RYR3: variants seen among roughly 807,000 people sequenced by gnomAD.
RYR3 encodes the protein brain ryanodine receptor-calcium release channel.
In RYR3, 207 loss-of-function variants were observed where a neutral mutation model predicts 584.3. That is an observed-to-expected ratio of 0.35 (90% CI 0.32 to 0.40). The LOEUF (loss-of-function observed/expected upper bound fraction) is 0.40. RYR3 is among the 10% of genes least tolerant of loss of function. The pLI is 1.00. For missense variants in RYR3, 5,616 were observed against 6,089.2 expected (o/e 0.92, Z 2.59); for synonymous variants, 2,416 against 2,248.5 (o/e 1.07, Z -2.11).
intron 1 of RYR3, among the ~76,000 whole-genome samples, chr15:33,470,650 T>C (rs1182830682): frequency 6.6e-6 from 1 of 152,210 alleles, no homozygotes; most frequent in Non-Finnish European, 1.5e-5. Context: ...GGGATCATTC[T>C]AGGTTATGAC....
intron 20 of RYR3, among the ~76,000 whole-genome samples, chr15:33,625,286 C>A (rs1437144309): frequency 1.3e-5 from 2 of 152,164 alleles, no homozygotes; most frequent in East Asian, 3.9e-4. Context: ...CAGGCCCTTC[C>A]CCCGACATGT....
chr15:33,500,386 C>T (rs1444105211), intron 2 of RYR3, among the ~76,000 whole-genome samples: 4 of 152,158 alleles, frequency 2.6e-5, no homozygotes, highest in Non-Finnish European at 4.4e-5. Context: ...TTCCTACTAG[C>T]CAGGATTCAA....
intron 1 of RYR3, among the ~76,000 whole-genome samples, chr15:33,391,593 T>C (rs1325247189): frequency 6.8e-6 from 1 of 147,186 alleles, no homozygotes; most frequent in East Asian, 2.0e-4. Flanking sequence ...GCCACTGCAG[T>C]CCAGCCTGGG....
chr15:33,834,557 G>A (rs2077916904), intron 86 of RYR3, among the ~76,000 whole-genome samples: 1 of 151,972 alleles, frequency 6.6e-6, no homozygotes, highest in Non-Finnish European at 1.5e-5. Flanking sequence ...AGGTAGATGA[G>A]GGCCTGGTTT....
At position 33,503,719 on chromosome 15, in the gene RYR3, G is replaced by T; in HGVS notation, c.260G>T (p.Gly87Val). The T allele has an allele frequency of 6.2e-7, 1 of 1,611,854 alleles. No individual in the cohort carries two copies. The highest frequency in any genetic ancestry group is 8.5e-7 in the Non-Finnish European group (1 of 1,178,920). ...CTGCAGGAAATGCTTGCCAACACAG[G>T]TGAAAATGGCGGCGAAGGGGTGAGT... is the stretch of plus-strand genomic sequence containing the variant. The part of the protein sequence containing the change: ...RALQEMLANT[G>V]ENGGEGAAQG... Residue 87 changes from glycine (G) to valine (V), a missense_variant, in exon 3 of 104, where the codon GGT becomes GTT. Gly to Val is a moderately radical substitution (Grantham distance 109). Coordinates refer to ENST00000634891, the MANE Select transcript of RYR3 (RefSeq NM_001036.6).
chr15:33,549,125 A>G (rs1045614405), intron 9 of RYR3, among the ~76,000 whole-genome samples: 1 of 152,038 alleles, frequency 6.6e-6, no homozygotes, highest in African/African-American at 2.4e-5. Context: ...GGTTTTAAGG[A>G]GCGTGCACTT....
chr15:33,442,355 A>G (rs532517810), intron 1 of RYR3, among the ~76,000 whole-genome samples: 1 of 152,358 alleles, frequency 6.6e-6, no homozygotes, highest in Middle Eastern at 3.4e-3. Flanking sequence ...TCTGGGAACT[A>G]CAATTTACCT....
At chr15:33,613,593 A>T (rs112161242) in intron 19 of RYR3, among the ~76,000 whole-genome samples, 8 of 152,262 alleles carry the variant, frequency 5.3e-5, no homozygotes, top group African/African-American at 1.9e-4. Context: ...TCAGATAAAC[A>T]GTAAGATTAA....
chr15:33,583,536 T>C (rs1286700951), intron 14 of RYR3, among the ~76,000 whole-genome samples: 1 of 152,244 alleles, frequency 6.6e-6, no homozygotes, highest in African/African-American at 2.4e-5. Context: ...CTCATTGCTC[T>C]AGTCTGAACA....
Position 33,848,382 on chromosome 15 carries a change from A to G in RYR3, c.13589A>G (p.Asp4530Gly). ...LYITEQPSED[D>G]IKGQWDRLVI... Reference sequence around the variant, plus strand: ...ATCACCGAACAGCCATCTGAAGATGACATCAAGGGGCAGTGGGACCGCTTG... The same window carrying G: ...ATCACCGAACAGCCATCTGAAGATGGCATCAAGGGGCAGTGGGACCGCTTG... Residue 4530 changes from aspartate to glycine, a missense_variant, in exon 94 of 104, where the codon GAC becomes GGC. By Grantham distance (94) the Asp-to-Gly change is moderately conservative. Coordinates refer to ENST00000634891, the MANE Select transcript of RYR3 (RefSeq NM_001036.6). The G allele has an allele frequency of 2.5e-6, 4 of 1,613,632 alleles. No individual in the cohort carries two copies. Among genetic ancestry groups the G allele is most frequent in the Non-Finnish European group, 3.4e-6 (4 of 1,179,872 alleles).
Position 33,753,485 on chromosome 15 carries a change from G to T in RYR3, c.8400-1580G>T, listed in dbSNP as rs148458091. On this transcript the variant is annotated intron_variant, in intron 57 of 103. Transcript: ENST00000634891. ...GCTGTTTTCTCCCTGGTCAAATGGT[G>T]CTGGTGGGCTGTGCTACGTAGGATC... 4.6e-5 allele frequency among the ~76,000 whole-genome samples: 7 copies of T among 152,272 alleles called. No individual in the cohort carries two copies. In the East Asian group the frequency reaches 1.4e-3, roughly 29 times the overall value.
Position 33,853,098 on chromosome 15 carries a change from T to G in RYR3, c.13671+11T>G. ...TTTGTAAAGAGAAAGGTATGCCTTG[T>G]TAGTGGGGGTGAGTTCCGTGATCAC... On this transcript the variant is annotated intron_variant, in intron 95 of 103. Coordinates refer to ENST00000634891, the MANE Select transcript of RYR3 (RefSeq NM_001036.6). 6.3e-7 allele frequency: 1 copy of G among 1,584,202 alleles called. No individual in the cohort carries two copies. Among genetic ancestry groups the G allele is most frequent in the Non-Finnish European group, 8.6e-7 (1 of 1,167,352 alleles).
At chr15:33,829,867 G>A (rs1320962811) in intron 85 of RYR3, among the ~76,000 whole-genome samples, 1 of 152,158 alleles carries the variant, frequency 6.6e-6, no homozygotes, top group East Asian at 1.9e-4. Context: ...TGAGACTTCA[G>A]TGGAGGAAAT....
chr15:33,771,845 C>T, intron 62 of RYR3, 75 bp from the exon 63 acceptor site: 1 of 1,013,936 alleles, frequency 9.9e-7, no homozygotes, highest in Non-Finnish European at 1.5e-6. Flanking sequence ...GCCCAGATGA[C>T]ACTGCCAGTT....
chr15:33,609,804 T>C (rs139585682), intron 18 of RYR3, among the ~76,000 whole-genome samples: 78 of 152,212 alleles, frequency 5.1e-4, no homozygotes, highest in African/African-American at 1.4e-3. Flanking sequence ...TAGCAAGGAC[T>C]TGAACAGGAG....
chr15:33,404,015 G>C (rs371419505), intron 1 of RYR3, among the ~76,000 whole-genome samples: 5 of 152,236 alleles, frequency 3.3e-5, no homozygotes, highest in African/African-American at 1.2e-4. Context: ...TTTTGTATGG[G>C]TACATCTTGC....
chr15:33,711,384 T>C (rs1226752024), intron 43 of RYR3, among the ~76,000 whole-genome samples: 2 of 151,828 alleles, frequency 1.3e-5, no homozygotes, highest in Non-Finnish European at 2.9e-5. Context: ...GCTGGGACTA[T>C]AGGCACCCAC....
At chr15:33,802,266 T>A (rs1864335) in intron 69 of RYR3, among the ~76,000 whole-genome samples, 105,401 of 152,150 alleles carry the variant, frequency 0.69, 36,945 homozygotes, top group East Asian at 0.96. Flanking sequence ...AAATAGAACT[T>A]CTTCCTGTGT....
intron 27 of RYR3, among the ~76,000 whole-genome samples, chr15:33,639,478 G>C (rs2061678528): frequency 6.6e-6 from 1 of 152,206 alleles, no homozygotes. Flanking sequence ...CAAGTGGAAA[G>C]AGGTAGCAAT....
Sources: gnomAD v4.1 joint callset for allele counts (sites outside exome capture counted in the v4.1 genomes callset) on GRCh38, gnomAD v4.1.1 for gene constraint, MANE v1.5 for transcripts, NCBI Gene and HGNC (gene_info 2026-07-23, HGNC 2026-07-21) for gene names.